The following RAB38 variants were observed in gnomAD, a reference collection of about 807,000 sequenced individuals.
The protein encoded by RAB38 is ras-related protein Rab-38.
A neutral mutation model predicts 18.4 loss-of-function variants in RAB38; 15 were observed. That is an observed-to-expected ratio of 0.82 (90% CI 0.55 to 1.26). The LOEUF (loss-of-function observed/expected upper bound fraction) is 1.26. RAB38 is among the 50% of genes most tolerant of loss of function. RAB38 has a pLI of 0.00. For missense variants in RAB38, 294 were observed against 267.4 expected (o/e 1.10, Z -0.69); for synonymous variants, 101 against 104.4 (o/e 0.97, Z 0.20).
In RAB38 at chr11:88,175,442, G is replaced by C. The variant is rs768687293; in HGVS notation, c.-58C>G. The C allele has an allele frequency of 1.4e-6, 2 of 1,432,580 alleles. No homozygotes were observed. The highest frequency in any genetic ancestry group is 2.3e-5 in the South Asian group (2 of 88,818). 88.7% of individuals were successfully genotyped at this position (1,432,580 alleles called of 1,614,324 possible). A position where few individuals can be genotyped will look rare whatever the true frequency, so the allele number is the denominator to read the frequency against. The stretch of plus-strand genomic sequence containing the variant: ...CAGGGAAGCGCAGCCTGGGCTCTGC[G>C]CACGAGAGAGACTTGGGGAGCGCAA... On this transcript the variant is annotated 5_prime_UTR_variant, in exon 1 of 3. Coordinates refer to ENST00000243662, the MANE Select transcript of RAB38 (RefSeq NM_022337.3).
At chr11:88,052,901 CATATAT>C in the RAB38 span, among the ~76,000 whole-genome samples, 82 of 21,512 alleles carry the variant, frequency 3.8e-3, no homozygotes, top group South Asian at 7.2e-3. Flanking sequence ...GAAAAAATTT[CATATAT>C]ATATATATAT....
At chr11:87,872,234 T>C in the RAB38 span, among the ~76,000 whole-genome samples, 1 of 151,546 alleles carries the variant, frequency 6.6e-6, no homozygotes, top group African/African-American at 2.4e-5. Flanking sequence ...CCTTTTCCGT[T>C]TCCCATGAAG....
chr11:87,836,487 T>C, the RAB38 span, among the ~76,000 whole-genome samples: 3 of 152,152 alleles, frequency 2.0e-5, no homozygotes, highest in African/African-American at 4.8e-5. Context: ...CCATCCATTT[T>C]TCTCATGCCC....
At chr11:87,938,340 A>G in the RAB38 span, among the ~76,000 whole-genome samples, 2 of 152,024 alleles carry the variant, frequency 1.3e-5, no homozygotes, top group Non-Finnish European at 2.9e-5. Context: ...CAGCCTCCCC[A>G]TATGGTATAC....
chr11:87,867,539 G>A, the RAB38 span, among the ~76,000 whole-genome samples: 1 of 151,756 alleles, frequency 6.6e-6, no homozygotes, highest in Non-Finnish European at 1.5e-5. Flanking sequence ...CATTGGTGGA[G>A]CTTCCTGACA....
Position 88,125,133 on chromosome 11 carries a change from C to A in RAB38, c.484-10993G>T, listed in dbSNP as rs1004213534. 4.6e-5 allele frequency among the ~76,000 whole-genome samples: 7 copies of A among 152,202 alleles called. 1 individual carries two copies. In the South Asian group the frequency reaches 6.2e-4, roughly 13 times the overall value. ...AATCATCCTCTATATTCCTTCCAGA[C>A]TGTCTCTTAACTACTCCAATTAAGA... is the stretch of plus-strand genomic sequence containing the variant. On this transcript the variant is annotated intron_variant, in intron 2 of 2. Transcript: ENST00000243662.
chr11:87,862,948 G>C, the RAB38 span, among the ~76,000 whole-genome samples: 44,500 of 151,728 alleles, frequency 0.29, 8,318 homozygotes, highest in African/African-American at 0.51. Flanking sequence ...TTAAATAGCA[G>C]TCACTCTAAT....
the RAB38 span, chr11:87,816,622 A>T: frequency 6.6e-6 from 1 of 150,992 alleles, no homozygotes; most frequent in Non-Finnish European, 1.5e-5. Flanking sequence ...GTGGTAAAAA[A>T]CTCTCTCTAT....
the RAB38 span, among the ~76,000 whole-genome samples, chr11:87,878,692 T>A: frequency 6.6e-6 from 1 of 151,684 alleles, no homozygotes; most frequent in Admixed American, 6.6e-5. Context: ...TTTCATGTAA[T>A]ACCACATATG....
the RAB38 span, among the ~76,000 whole-genome samples, chr11:87,809,520 A>G: frequency 6.6e-6 from 1 of 152,234 alleles, no homozygotes; most frequent in African/African-American, 2.4e-5. Context: ...GGAAAAATTG[A>G]TATGAATCAG....
At chr11:87,857,019 C>G in the RAB38 span, among the ~76,000 whole-genome samples, 75 of 152,156 alleles carry the variant, frequency 4.9e-4, no homozygotes, top group Non-Finnish European at 8.8e-4. Flanking sequence ...CCCGCTCCCC[C>G]CACCCCACGA....
the RAB38 span, among the ~76,000 whole-genome samples, chr11:87,831,202 A>T: frequency 6.6e-6 from 1 of 152,210 alleles, no homozygotes; most frequent in Non-Finnish European, 1.5e-5. Context: ...GCCAGAGCTT[A>T]ACTGCTTAAT....
the RAB38 span, among the ~76,000 whole-genome samples, chr11:87,975,981 T>C: frequency 4.0e-5 from 6 of 151,316 alleles, no homozygotes; most frequent in Non-Finnish European, 8.9e-5. Flanking sequence ...AATTAATCAA[T>C]TGTTTGAAAA....
the RAB38 span, among the ~76,000 whole-genome samples, chr11:87,899,966 T>C: frequency 6.6e-6 from 1 of 151,536 alleles, no homozygotes; most frequent in Admixed American, 6.6e-5. Context: ...TCCGTTTTTT[T>C]TTTCCCCATA....
intron 1 of RAB38, among the ~76,000 whole-genome samples, chr11:88,164,627 G>A (rs552651282): frequency 7.2e-6 from 1 of 139,590 alleles, no homozygotes; most frequent in Admixed American, 7.3e-5. Flanking sequence ...TTTAATTTAT[G>A]CGTTCTCTTT....
the RAB38 span, among the ~76,000 whole-genome samples, chr11:87,951,793 G>A: frequency 5.3e-5 from 8 of 152,254 alleles, 1 homozygote; most frequent in South Asian, 1.7e-3. Flanking sequence ...TGTGTGAGGT[G>A]TCAGTCTGCC....
chr11:87,869,198 C>G, the RAB38 span, among the ~76,000 whole-genome samples: 1 of 151,672 alleles, frequency 6.6e-6, no homozygotes, highest in Non-Finnish European at 1.5e-5. Flanking sequence ...ATCATCTGCT[C>G]TCTCATCAAC....
At chr11:88,009,979 A>C in the RAB38 span, among the ~76,000 whole-genome samples, 1 of 152,184 alleles carries the variant, frequency 6.6e-6, no homozygotes, top group Admixed American at 6.5e-5. Flanking sequence ...TTAATGTTTC[A>C]AATACACCTT....
the RAB38 span, among the ~76,000 whole-genome samples, chr11:87,961,878 G>T: frequency 6.6e-6 from 1 of 152,110 alleles, no homozygotes; most frequent in Non-Finnish European, 1.5e-5. Context: ...TTTCCAAGAA[G>T]ACTTGAGGTT....
Sources: allele counts gnomAD v4.1 joint callset (sites outside exome capture counted in the v4.1 genomes callset), GRCh38; gene constraint gnomAD v4.1.1; transcripts MANE v1.5; gene names NCBI Gene and HGNC (gene_info 2026-07-23, HGNC 2026-07-21).